The following ARHGEF11 variants were observed in gnomAD, a reference collection of about 807,000 sequenced individuals.
ARHGEF11 encodes the protein Rho guanine nucleotide exchange factor 11.
ARHGEF11 carries 55 observed loss-of-function variants against 193.7 expected under a neutral mutation model. The ratio of observed to expected loss-of-function variants is 0.28; its 90% CI spans 0.23 to 0.36. The LOEUF (loss-of-function observed/expected upper bound fraction) is 0.36, where lower values mean the gene tolerates loss of function less well. ARHGEF11 is among the 10% of genes least tolerant of loss of function. The pLI is 1.00. For synonymous variants in ARHGEF11, 693 were observed against 768.0 expected (o/e 0.90, Z 1.62); for missense variants, 1,723 against 2,005.6 (o/e 0.86, Z 2.69).
intron 1 of ARHGEF11, among the ~76,000 whole-genome samples, chr1:157,003,552 A>G (rs1667453304): frequency 6.6e-6 from 1 of 152,228 alleles, no homozygotes; most frequent in Admixed American, 6.5e-5. Context: ...TGTTTCATGA[A>G]TGGAAAACAG....
rs1416871003 is a variant in ARHGEF11, at chr1:156,949,217, C to A, written c.1926-719G>T. Reference sequence around the variant, plus strand: ...TAGGCAGGACCCGCTCCTTGGCCTGCCGTGCTTGGCTACTGAGTGTCTCTG... The same window carrying A: ...TAGGCAGGACCCGCTCCTTGGCCTGACGTGCTTGGCTACTGAGTGTCTCTG... On this transcript the variant is annotated intron_variant, in intron 22 of 40. Transcript: ENST00000368194. 1.3e-5 allele frequency: 7 copies of A among 557,844 alleles called. No homozygotes were observed. In the East Asian group the frequency reaches 7.3e-4, roughly 58 times the overall value. 34.6% of individuals were successfully genotyped at this position (557,844 alleles called of 1,614,324 possible).
chr1:156,945,968 G>T, intron 29 of ARHGEF11, 77 bp downstream of exon 29: 2 of 1,189,484 alleles, frequency 1.7e-6, no homozygotes, highest in Non-Finnish European at 2.5e-6. Flanking sequence ...GACTTGCTAA[G>T]GTCACAAAGC....
intron 7 of ARHGEF11, among the ~76,000 whole-genome samples, chr1:156,974,118 G>A (rs1359525330): frequency 6.6e-6 from 1 of 151,606 alleles, no homozygotes; most frequent in Non-Finnish European, 1.5e-5. Flanking sequence ...CACTCAGGCT[G>A]GAGTGCAGTG....
Position 156,945,160 on chromosome 1 carries a change from C to G in ARHGEF11, c.2850G>C (p.Arg950=). The change falls in exon 30 of 41, where the codon CGG becomes CGC. Residue 950 remains arginine, a synonymous_variant. Transcript: ENST00000368194. Reference sequence around the variant, plus strand: ...ACTTGAGAATCTCCCGGCACTGGTCCCGGGCCCGGCACAGCTTCTCATGCT... The same window carrying G: ...ACTTGAGAATCTCCCGGCACTGGTCGCGGGCCCGGCACAGCTTCTCATGCT... ...TSEHEKLCRA[R]DQCREILKYV... The G allele has an allele frequency of 6.2e-7, 1 of 1,614,100 alleles. No individual in the cohort carries two copies. Among genetic ancestry groups the G allele is most frequent in the Non-Finnish European group, 8.5e-7 (1 of 1,180,006 alleles).
In ARHGEF11 at chr1:156,947,822, T is replaced by A. The variant is rs1182423697; in HGVS notation, c.2288A>T (p.Asp763Val). 5 of 1,613,860 alleles carry A rather than the reference T, an allele frequency of 3.1e-6. No individual in the cohort carries two copies. In the East Asian group the frequency reaches 1.1e-4, roughly 36 times the overall value. Residue 763 changes from aspartate (D) to valine (V), a missense_variant, in exon 25 of 41, where the codon GAT (aspartate) becomes GTT (valine). Coordinates refer to ENST00000368194, the MANE Select transcript of ARHGEF11 (RefSeq NM_198236.3). ...CCGCTGGGTTAGCCCAGCCACCACA[T>A]CCTTGCCCACTGTATGCTGCCAATT... ...AQNWQHTVGKDVVAGLTQREI... is the reference protein window; with the variant it reads ...AQNWQHTVGKVVVAGLTQREI...
At chr1:156,946,219 A>G in intron 28 of ARHGEF11, 57 bp from the exon 29 acceptor site, 1 of 1,494,476 alleles carries the variant, frequency 6.7e-7, no homozygotes, top group Non-Finnish European at 9.3e-7. Flanking sequence ...GAGCTGGCTT[A>G]TGGGCTCAGG....
intron 1 of ARHGEF11, among the ~76,000 whole-genome samples, chr1:156,995,825 G>A (rs1332744453): frequency 6.6e-6 from 1 of 151,706 alleles, no homozygotes; most frequent in Admixed American, 6.6e-5. Flanking sequence ...TTACAGGCAT[G>A]TGCCACTGTG....
At chr1:156,988,394 A>G (rs1381664997) in intron 1 of ARHGEF11, among the ~76,000 whole-genome samples, 5 of 151,994 alleles carry the variant, frequency 3.3e-5, no homozygotes, top group African/African-American at 1.2e-4. Flanking sequence ...TGTTCTGCCT[A>G]CTTTATTCTC....
At chr1:156,962,879 A>AAAC (rs1661140631) in intron 13 of ARHGEF11, among the ~76,000 whole-genome samples, 1 of 82,852 alleles carries the variant, frequency 1.2e-5, no homozygotes, top group Non-Finnish European at 2.4e-5. Flanking sequence ...ACTCCGTCTC[A>AAAC]AAAAAAAAAA....
At chr1:157,032,136 T>G (rs1190982737) in intron 1 of ARHGEF11, among the ~76,000 whole-genome samples, 1 of 152,196 alleles carries the variant, frequency 6.6e-6, no homozygotes, top group African/African-American at 2.4e-5. Context: ...TCCTTAAAGA[T>G]CTCTAGTAGA....
At chr1:157,041,193 C>G (rs1256100810) in intron 1 of ARHGEF11, among the ~76,000 whole-genome samples, 1 of 152,218 alleles carries the variant, frequency 6.6e-6, no homozygotes, top group African/African-American at 2.4e-5. Context: ...CTTAGCAAAA[C>G]TCATGACCAC....
rs982970617 is a variant in ARHGEF11 at position 156,935,031 on chromosome 1, T to C, written c.*969A>G. The C allele has an allele frequency of 1.3e-5, 2 of 150,142 alleles. No individual in the cohort carries two copies. The highest frequency in any genetic ancestry group is 4.9e-5 in the African/African-American group (2 of 40,630). The allele number at this position is 150,142 out of a possible 1,614,324, so 9.3% of individuals were successfully genotyped here. ...TGTATATTCTATTCATCAGGGAGAG[T>C]TGGGTGAGGACGTGGTGATGGGGCC... is the stretch of plus-strand genomic sequence containing the variant. On this transcript the variant is annotated 3_prime_UTR_variant, in exon 41 of 41. Coordinates refer to ENST00000368194, the MANE Select transcript of ARHGEF11 (RefSeq NM_198236.3).
intron 33 of ARHGEF11, among the ~76,000 whole-genome samples, 159 bp from the exon 34 acceptor site, chr1:156,942,148 C>T (rs761004543): frequency 9.2e-5 from 14 of 152,202 alleles, no homozygotes; most frequent in Non-Finnish European, 2.1e-4. Flanking sequence ...TGCTCCCTTG[C>T]GGTTATATTA....
intron 7 of ARHGEF11, 134 bp downstream of exon 7, chr1:156,976,849 G>A (rs919106476): frequency 7.8e-6 from 6 of 772,166 alleles, no homozygotes; most frequent in African/African-American, 3.5e-5. Context: ...TTAGTGGTCC[G>A]GAAGTTTTAT....
intron 40 of ARHGEF11, among the ~76,000 whole-genome samples, chr1:156,936,495 AAAATATATATAT>A (rs1241238342): frequency 5.3e-5 from 3 of 57,094 alleles, no homozygotes; most frequent in South Asian, 8.7e-4. Context: ...AAAAAAAAAA[AAAATATATATAT>A]ATATATATAT....
chr1:156,978,331 C>T lies in ARHGEF11; in HGVS notation c.383G>A (p.Gly128Asp). ...TLLGSSPSSM[G>D]ISGLQQDPSP... ...TGGGTCCTGCTGGAGCCCAGAGATG[C>T]CCATGGATGAAGGTGAAGAGCCCAG... Residue 128 changes from glycine to aspartate, a missense_variant, in exon 6 of 41, where the codon GGC becomes GAC. Gly to Asp is a moderately conservative substitution (Grantham distance 94). Around this residue, in one of 5 missense-constraint regions of ARHGEF11, gnomAD observed 646 missense variants for 710.7 expected, o/e 0.91. Coordinates refer to ENST00000368194, the MANE Select transcript of ARHGEF11 (RefSeq NM_198236.3). 3.7e-6 allele frequency: 6 copies of T among 1,613,652 alleles called. No homozygotes were observed. Among genetic ancestry groups the T allele is most frequent in the South Asian group, 2.2e-5 (2 of 90,984 alleles).
At chr1:156,985,730 C>CTTT (rs56055266) in intron 2 of ARHGEF11, 7 of 138,218 alleles carry the variant, frequency 5.1e-5, no homozygotes, top group East Asian at 2.1e-4. Flanking sequence ...AGCCATGTGC[C>CTTT]TTTTTTTTTT....
At chr1:156,947,500 T>G in intron 25 of ARHGEF11, 50 bp from the exon 26 acceptor site, 2 of 1,515,854 alleles carry the variant, frequency 1.3e-6, no homozygotes, top group Non-Finnish European at 1.8e-6. Context: ...AGAAAACGGA[T>G]CAGCAAGTAT....
Position 156,964,656 on chromosome 1 carries a change from G to C in ARHGEF11, c.964-1062C>G, listed in dbSNP as rs541238341. Among the ~76,000 whole-genome samples, 10 of 152,276 alleles carry C rather than the reference G, an allele frequency of 6.6e-5. No individual in the cohort carries two copies. In the South Asian group the frequency reaches 1.9e-3, roughly 28 times the overall value. On this transcript the variant is annotated intron_variant, in intron 11 of 40. Transcript: ENST00000368194. ...GGCCCAGAAGGTATCTCAGACACTA[G>C]AGTCTAACACTCATTTATAATTGAA...
Sources: allele counts gnomAD v4.1 joint callset (sites outside exome capture counted in the v4.1 genomes callset), GRCh38; gene constraint gnomAD v4.1.1; regional missense constraint gnomAD v4.1.1; transcripts MANE v1.5; gene names NCBI Gene and HGNC (gene_info 2026-07-23, HGNC 2026-07-21).